The following SUGCT variants were observed in gnomAD, a reference collection of about 807,000 sequenced individuals.
SUGCT encodes the protein succinyl-CoA:glutarate-CoA transferase.
In SUGCT, 41 loss-of-function variants were observed where a neutral mutation model predicts 55.0. That is an observed-to-expected ratio of 0.74 (90% CI 0.58 to 0.97). The LOEUF (loss-of-function observed/expected upper bound fraction) is 0.97, where lower values mean the gene tolerates loss of function less well. Ranked by LOEUF, SUGCT falls within the 50% of genes least tolerant of loss-of-function variation. The probability of loss-of-function intolerance (pLI) is 0.00; values close to 1 mark genes in which losing one functional copy is unlikely to be tolerated. For synonymous variants in SUGCT, 187 were observed against 200.4 expected (o/e 0.93, Z 0.56); for missense variants, 568 against 547.8 (o/e 1.04, Z -0.37).
At chr7:40,733,389 G>A (rs1270144702) in intron 12 of SUGCT, among the ~76,000 whole-genome samples, 3 of 152,130 alleles carry the variant, frequency 2.0e-5, no homozygotes, top group African/African-American at 4.8e-5. Context: ...TCCTAAAATA[G>A]TTCTCCTTAA....
At chr7:40,723,231 G>C (rs143817558) in intron 12 of SUGCT, among the ~76,000 whole-genome samples, 3 of 152,014 alleles carry the variant, frequency 2.0e-5, no homozygotes, top group Non-Finnish European at 4.4e-5. Flanking sequence ...AAAGGAACTA[G>C]AATCTTGGTC....
chr7:40,349,623 C>T (rs575647210), intron 9 of SUGCT, among the ~76,000 whole-genome samples: 5 of 152,124 alleles, frequency 3.3e-5, no homozygotes, highest in Admixed American at 1.3e-4. Flanking sequence ...GAGGTTTTGC[C>T]GCTTGCTCCT....
At chr7:41,002,245 G>A in the SUGCT span, among the ~76,000 whole-genome samples, 153 of 152,178 alleles carry the variant, frequency 1.0e-3, no homozygotes, top group African/African-American at 3.0e-3. Context: ...GGTCTCAAAC[G>A]CCCAACCTCA....
intron 8 of SUGCT, among the ~76,000 whole-genome samples, chr7:40,280,856 A>T (rs1410615969): frequency 1.3e-5 from 2 of 152,136 alleles, no homozygotes; most frequent in African/African-American, 2.4e-5. Flanking sequence ...TCAGGTTTTG[A>T]TGAGTACCCG....
intron 12 of SUGCT, among the ~76,000 whole-genome samples, chr7:40,497,506 T>G (rs973722972): frequency 3.3e-5 from 5 of 152,158 alleles, no homozygotes; most frequent in African/African-American, 1.2e-4. Flanking sequence ...TCAATAAGTA[T>G]TTGAGATAAA....
chr7:40,538,345 G>A (rs1237941978), intron 12 of SUGCT: 1 of 152,108 alleles, frequency 6.6e-6, no homozygotes, highest in East Asian at 1.9e-4. Context: ...CACTGAATAG[G>A]AAATAAATGT....
chr7:40,541,505 G>C (rs1562848827), intron 12 of SUGCT, among the ~76,000 whole-genome samples: 1 of 152,184 alleles, frequency 6.6e-6, no homozygotes, highest in African/African-American at 2.4e-5. Flanking sequence ...ATTGTCAAAA[G>C]TGTGGGCAGT....
intron 9 of SUGCT, among the ~76,000 whole-genome samples, chr7:40,327,267 G>C (rs919709002): frequency 3.1e-3 from 17 of 5,506 alleles, no homozygotes; most frequent in Admixed American, 0.028. Context: ...TTTGTTTGAA[G>C]ATCCTGGTTA....
At chr7:40,160,753 T>C (rs188736916) in intron 1 of SUGCT, among the ~76,000 whole-genome samples, 4 of 152,254 alleles carry the variant, frequency 2.6e-5, no homozygotes, top group Non-Finnish European at 5.9e-5. Context: ...ATTTAAAAGA[T>C]GTTCAATTTC....
chr7:40,835,890 C>CTTTTTTTTTTT (rs1011199588), intron 13 of SUGCT, among the ~76,000 whole-genome samples: 3 of 136,080 alleles, frequency 2.2e-5, no homozygotes, highest in Non-Finnish European at 3.2e-5. Flanking sequence ...TCTTTTTTTT[C>CTTTTTTTTTTT]TTTTTTTTTT....
chr7:40,278,441 A>T (rs921884549), intron 8 of SUGCT, among the ~76,000 whole-genome samples: 1 of 152,208 alleles, frequency 6.6e-6, no homozygotes, highest in African/African-American at 2.4e-5. Context: ...TACCCAAAGG[A>T]CTATAAATCA....
intron 9 of SUGCT, among the ~76,000 whole-genome samples, chr7:40,342,698 A>C (rs1797116089): frequency 6.6e-6 from 1 of 151,540 alleles, no homozygotes; most frequent in African/African-American, 2.4e-5. Flanking sequence ...GCTGGAGTGC[A>C]GTGGCGTGAT....
the SUGCT span, among the ~76,000 whole-genome samples, chr7:41,015,769 G>A: frequency 6.6e-6 from 1 of 152,196 alleles, no homozygotes; most frequent in Admixed American, 6.5e-5. Context: ...ACATCTGAGT[G>A]ATTTTATTTC....
chr7:41,003,120 TA>T, the SUGCT span, among the ~76,000 whole-genome samples: 6 of 152,212 alleles, frequency 3.9e-5, no homozygotes, highest in Admixed American at 2.6e-4. Flanking sequence ...TGGAACTTAA[TA>T]AATGTCGGTG....
intron 12 of SUGCT, among the ~76,000 whole-genome samples, chr7:40,545,909 C>A (rs534093579): frequency 4.6e-5 from 7 of 152,136 alleles, no homozygotes; most frequent in African/African-American, 7.2e-5. Flanking sequence ...CTTATTGCAT[C>A]TGTGGCCTAC....
In SUGCT at chr7:40,716,338, A is replaced by G. The variant is rs116264807; in HGVS notation, c.1090-33096A>G. 5.5e-3 allele frequency among the ~76,000 whole-genome samples: 834 copies of G among 152,340 alleles called. 3 individuals are homozygous for G. Among genetic ancestry groups the G allele is most frequent in the African/African-American group, 0.018 (768 of 41,568 alleles). On this transcript the variant is annotated intron_variant, in intron 12 of 13. Transcript: ENST00000335693. The stretch of plus-strand genomic sequence containing the variant: ...CCTATTACATATAATGTGACTGAGC[A>G]GTAATAAGTCAGGGAGCCCAAATGG...
chr7:40,403,900 C>CT (rs1447382709), intron 9 of SUGCT, among the ~76,000 whole-genome samples: 1 of 152,176 alleles, frequency 6.6e-6, no homozygotes, highest in Non-Finnish European at 1.5e-5. Context: ...TTCTGGGATT[C>CT]TTTTTGACTG....
At position 40,195,030 on chromosome 7, in the gene SUGCT, G is replaced by T. The variant is rs1348398459; in HGVS notation, c.454G>T (p.Ala152Ser). 1 of 1,613,592 alleles carries T rather than the reference G, an allele frequency of 6.2e-7. No homozygotes were observed. The highest frequency in any genetic ancestry group is 8.5e-7 in the Non-Finnish European group (1 of 1,179,724). ...GGGATATGAAGATATAGACGAGATT[G>T]CTCCTCACATCATCTATTGTTCCAT... Reference protein sequence around the residue: ...GLGYEDIDEIAPHIIYCSITG... With the variant: ...GLGYEDIDEISPHIIYCSITG... The change falls in exon 6 of 14, where the codon GCT becomes TCT. Residue 152 changes from alanine to serine, a missense_variant. Coordinates refer to ENST00000335693, the MANE Select transcript of SUGCT (RefSeq NM_001193313.2).
intron 1 of SUGCT, among the ~76,000 whole-genome samples, chr7:40,172,787 C>T (rs543000510): frequency 1.3e-5 from 2 of 152,124 alleles, no homozygotes; most frequent in Non-Finnish European, 2.9e-5. Flanking sequence ...GGCAGACCAT[C>T]GCTCCCAACC....
Sources: allele counts gnomAD v4.1 joint callset (sites outside exome capture counted in the v4.1 genomes callset), GRCh38; gene constraint gnomAD v4.1.1; transcripts MANE v1.5; gene names NCBI Gene and HGNC (gene_info 2026-07-23, HGNC 2026-07-21).